Variants in PCNX1 observed in about 807,000 individuals in gnomAD.
PCNX1 encodes pecanex 1.
Under a neutral mutation model 242.2 loss-of-function variants are expected in PCNX1, and 78 were observed. That is an observed-to-expected ratio of 0.32 (90% CI 0.27 to 0.39). The LOEUF (loss-of-function observed/expected upper bound fraction) is 0.39, where lower values mean the gene tolerates loss of function less well. Among genes scored for constraint, PCNX1 ranks in the 10% least tolerant of loss-of-function variants. PCNX1 has a pLI of 1.00. For missense variants in PCNX1, 2,581 were observed against 2,856.5 expected (o/e 0.90, Z 2.20); for synonymous variants, 1,024 against 1,032.9 (o/e 0.99, Z 0.17).
intron 30 of PCNX1, among the ~76,000 whole-genome samples, chr14:71,094,369 G>C (rs1180565817): frequency 1.3e-5 from 2 of 152,176 alleles, no homozygotes; most frequent in Non-Finnish European, 2.9e-5. Context: ...GTGGTTACCT[G>C]GGTATGCACA....
chr14:71,022,216 C>T (rs1051348148), intron 12 of PCNX1, among the ~76,000 whole-genome samples: 7 of 152,142 alleles, frequency 4.6e-5, no homozygotes, highest in Non-Finnish European at 1.0e-4. Flanking sequence ...TACTGGTTGT[C>T]AGTCTTGCAC....
rs2062801041 is a variant in PCNX1, at chr14:71,113,803, A to ATATT, written c.*3874_*3877dup. On this transcript the variant is annotated 3_prime_UTR_variant, in exon 36 of 36. Coordinates refer to ENST00000304743, the MANE Select transcript of PCNX1 (RefSeq NM_014982.3). Reference sequence around the variant, plus strand: ...GCTGTCCAGATTGTTAATTTCATTTATATTTATTTTAATTAATTTGTCATG... The same window carrying ATATT: ...GCTGTCCAGATTGTTAATTTCATTTATATTTATTTATTTTAATTAATTTGTCATG... 6.6e-6 allele frequency: 1 copy of ATATT among 152,154 alleles called. No individual in the cohort carries two copies. The highest frequency in any genetic ancestry group is 6.6e-5 in the Admixed American group (1 of 15,264). The allele number at this position is 152,154 out of a possible 1,614,324, so 9.4% of individuals were successfully genotyped here.
chr14:70,976,364 CTTTCTTTCT>C (rs1566644839), intron 5 of PCNX1, among the ~76,000 whole-genome samples: 1 of 142,994 alleles, frequency 7.0e-6, no homozygotes, highest in Non-Finnish European at 1.5e-5. Context: ...CTCTTTCTTT[CTTTCTTTCT>C]TTTTTTTTTT....
intron 7 of PCNX1, 105 bp downstream of exon 7, chr14:70,988,804 C>T (rs2059073359): frequency 2.2e-6 from 3 of 1,344,870 alleles, no homozygotes; most frequent in East Asian, 2.3e-5. Context: ...TTTTCTTTTC[C>T]TTTCTGTTTC....
chr14:71,101,599 G>C (rs1285324161), intron 30 of PCNX1, among the ~76,000 whole-genome samples: 2 of 151,948 alleles, frequency 1.3e-5, no homozygotes, highest in East Asian at 1.9e-4. Flanking sequence ...ATCTAGTTAA[G>C]AAGAAACACA....
intron 6 of PCNX1, among the ~76,000 whole-genome samples, chr14:70,985,060 C>CT: frequency 6.6e-6 from 1 of 152,194 alleles, no homozygotes; most frequent in Middle Eastern, 3.4e-3. Flanking sequence ...TCACAGCTGT[C>CT]TAAAATGTAA....
intron 26 of PCNX1, among the ~76,000 whole-genome samples, chr14:71,067,318 A>G (rs909142401): frequency 6.6e-6 from 1 of 152,084 alleles, no homozygotes; most frequent in African/African-American, 2.4e-5. Context: ...CAGGGGTTCA[A>G]CTTCTTCCTG....
intron 6 of PCNX1, among the ~76,000 whole-genome samples, chr14:70,984,544 G>C (rs1053887970): frequency 1.3e-5 from 2 of 150,772 alleles, no homozygotes; most frequent in African/African-American, 4.8e-5. Context: ...CCACCACCAC[G>C]CCCGGCTAAT....
At chr14:70,980,500 G>C (rs934672981) in intron 6 of PCNX1, among the ~76,000 whole-genome samples, 3 of 152,018 alleles carry the variant, frequency 2.0e-5, no homozygotes, top group Non-Finnish European at 4.4e-5. Flanking sequence ...GCATTGCACA[G>C]GCTTTTTTAA....
In PCNX1 at chr14:71,114,323, T is replaced by TAAG. The variant is rs1339341844; in HGVS notation, c.*4388_*4389insAAG. 6.6e-6 allele frequency: 1 copy of TAAG among 152,206 alleles called. No homozygotes were observed. The highest frequency in any genetic ancestry group is 1.9e-4 in the East Asian group (1 of 5,200). 9.4% of individuals were successfully genotyped at this position (152,206 alleles called of 1,614,324 possible). On this transcript the variant is annotated 3_prime_UTR_variant, in exon 36 of 36. Coordinates refer to ENST00000304743, the MANE Select transcript of PCNX1 (RefSeq NM_014982.3). ...TGATATGCACCCAGGCCGTCTTATT[T>TAAG]TTACTTGTTAAATGTCTGTCTAGGA...
Position 70,977,001 on chromosome 14 carries a change from C to T in PCNX1, c.664C>T (p.Gln222Ter). 1 of 1,614,074 alleles carries T rather than the reference C, an allele frequency of 6.2e-7. No homozygotes were observed. The highest frequency in any genetic ancestry group is 1.3e-5 in the African/African-American group (1 of 75,030). ...CTCCAATGACTCCTTCATCTCTATTCAGCCTTCCTTATCCTCTTGTGGACA... is the reference window on the plus strand; with the variant it reads ...CTCCAATGACTCCTTCATCTCTATTTAGCCTTCCTTATCCTCTTGTGGACA... ...LVSNDSFISI[Q>*]PSLSSCGQDL... The change falls in exon 6 of 36, where the codon CAG becomes TAG. Residue 222 changes from glutamine to a stop codon, truncating the protein, a stop_gained. Coordinates refer to ENST00000304743, the MANE Select transcript of PCNX1 (RefSeq NM_014982.3). LOFTEE classifies it high-confidence loss of function.
chr14:70,917,271 A>G (rs1030945463), intron 1 of PCNX1, among the ~76,000 whole-genome samples: 2 of 152,172 alleles, frequency 1.3e-5, no homozygotes, highest in African/African-American at 2.4e-5. Context: ...TATGTTCTTA[A>G]TGGCATCTAG....
At chr14:71,020,125 T>C (rs1429734362) in intron 12 of PCNX1, among the ~76,000 whole-genome samples, 1 of 152,230 alleles carries the variant, frequency 6.6e-6, no homozygotes, top group African/African-American at 2.4e-5. Flanking sequence ...TCCTTTTTTA[T>C]GGCTGCATAG....
At chr14:70,949,655 A>C (rs534092405) in intron 2 of PCNX1, among the ~76,000 whole-genome samples, 1 of 151,576 alleles carries the variant, frequency 6.6e-6, no homozygotes. Flanking sequence ...TTCGATGTCA[A>C]CTCCTCCTGG....
chr14:70,916,127 A>G (rs1211179932), intron 1 of PCNX1, among the ~76,000 whole-genome samples: 4 of 152,184 alleles, frequency 2.6e-5, no homozygotes, highest in Admixed American at 2.6e-4. Context: ...CAAATGTGAC[A>G]TGCTATTCTT....
chr14:70,937,960 T>G (rs1238180136), intron 1 of PCNX1, among the ~76,000 whole-genome samples: 1 of 152,238 alleles, frequency 6.6e-6, no homozygotes, highest in Non-Finnish European at 1.5e-5. Flanking sequence ...GGAATGCTTG[T>G]GATTTTTGCA....
chr14:70,922,208 A>G (rs2056406398), intron 1 of PCNX1, among the ~76,000 whole-genome samples: 1 of 152,102 alleles, frequency 6.6e-6, no homozygotes, highest in Admixed American at 6.6e-5. Flanking sequence ...TTTCACCCTT[A>G]AGTTAAAAAT....
chr14:70,936,552 C>T lies in PCNX1; in HGVS notation c.154-10363C>T, dbSNP rs148369707. Among the ~76,000 whole-genome samples, 345 of 152,242 alleles carry T rather than the reference C, an allele frequency of 2.3e-3. 1 individual carries two copies. Among genetic ancestry groups the T allele is most frequent in the African/African-American group, 8.0e-3 (331 of 41,514 alleles). On this transcript the variant is annotated intron_variant, in intron 1 of 35. Transcript: ENST00000304743. ...TCATTGATGGACATTTGGGTTGGTT[C>T]CAAGTCTTTGCTATTGTGAATAGTA... is the stretch of plus-strand genomic sequence containing the variant.
intron 28 of PCNX1, among the ~76,000 whole-genome samples, chr14:71,080,862 C>CT (rs1274125328): frequency 6.6e-6 from 1 of 152,172 alleles, no homozygotes; most frequent in African/African-American, 2.4e-5. Flanking sequence ...CCCTTTATTT[C>CT]TTTCTCTTGG....
Sources: allele counts gnomAD v4.1 joint callset (sites outside exome capture counted in the v4.1 genomes callset), GRCh38; gene constraint gnomAD v4.1.1; transcripts MANE v1.5; gene names NCBI Gene and HGNC (gene_info 2026-07-23, HGNC 2026-07-21).